The following ADGRL3 variants were observed in gnomAD, a reference collection of about 807,000 sequenced individuals.
The protein encoded by ADGRL3 is calcium-independent alpha-latrotoxin receptor 3.
Under a neutral mutation model 153.5 loss-of-function variants are expected in ADGRL3, and 62 were observed. The ratio of observed to expected loss-of-function variants is 0.40; its 90% CI spans 0.33 to 0.50. The LOEUF (loss-of-function observed/expected upper bound fraction) is 0.50, where lower values mean the gene tolerates loss of function less well. Ranked by LOEUF, ADGRL3 falls within the 20% of genes least tolerant of loss-of-function variation. ADGRL3 has a pLI of 0.47. For synonymous variants in ADGRL3, 710 were observed against 672.5 expected, an observed-to-expected ratio of 1.06 and a Z score of -0.86; for missense variants, 1,641 against 1,859.4, an observed-to-expected ratio of 0.88 and a Z score of 2.16.
chr4:61,652,415 A>T (rs2094293471), intron 5 of ADGRL3, among the ~76,000 whole-genome samples: 1 of 152,218 alleles, frequency 6.6e-6, no homozygotes, highest in Admixed American at 6.5e-5. Flanking sequence ...AGCGGAGGTC[A>T]GCAAGCAATG....
intron 8 of ADGRL3, among the ~76,000 whole-genome samples, chr4:61,813,590 A>G (rs1302140039): frequency 1.3e-5 from 2 of 152,160 alleles, no homozygotes; most frequent in Admixed American, 6.5e-5. Context: ...CACAACAACA[A>G]AAAAAGAAGA....
At chr4:61,602,588 C>A (rs1027897375) in intron 5 of ADGRL3, among the ~76,000 whole-genome samples, 3 of 151,990 alleles carry the variant, frequency 2.0e-5, no homozygotes, top group African/African-American at 7.2e-5. Flanking sequence ...CAATCGGTGC[C>A]CACCCTTTGA....
Position 61,676,853 on chromosome 4 carries a change from G to A in ADGRL3, c.501G>A (p.Val167=), listed in dbSNP as rs774500508. Residue 167 remains valine (V), a synonymous_variant, in exon 6 of 27, where the codon GTG becomes GTA. Transcript: ENST00000683033. ...QRCNNRTQCA[V]VAGPDVFPDP... The stretch of plus-strand genomic sequence containing the variant: ...GCAATAACAGAACCCAGTGTGCAGT[G>A]GTGGCAGGTCCTGATGTTTTTCCAG... 3 of 1,611,892 alleles carry A rather than the reference G, an allele frequency of 1.9e-6. No individual in the cohort carries two copies. In the African/African-American group the frequency reaches 4.0e-5, roughly 22 times the overall value.
At chr4:61,948,664 A>G (rs1019482668) in intron 17 of ADGRL3, among the ~76,000 whole-genome samples, 6 of 152,156 alleles carry the variant, frequency 3.9e-5, no homozygotes, top group African/African-American at 1.4e-4. Flanking sequence ...GGTTAAATAC[A>G]GTCAAACTGA....
At chr4:61,751,287 A>G (rs969377378) in intron 8 of ADGRL3, among the ~76,000 whole-genome samples, 3 of 152,204 alleles carry the variant, frequency 2.0e-5, no homozygotes, top group South Asian at 2.1e-4. Context: ...TGACTTTTCA[A>G]TAAATAAAAT....
chr4:61,650,841 T>C (rs2094218765), intron 5 of ADGRL3, among the ~76,000 whole-genome samples: 1 of 152,216 alleles, frequency 6.6e-6, no homozygotes, highest in Non-Finnish European at 1.5e-5. Flanking sequence ...ATAATGAAAG[T>C]GAATATGGTT....
chr4:61,743,602 G>A (rs1439386613), intron 8 of ADGRL3, among the ~76,000 whole-genome samples: 2 of 152,130 alleles, frequency 1.3e-5, no homozygotes, highest in Admixed American at 6.5e-5. Context: ...TTGGCTGTTA[G>A]CATTCATATT....
chr4:61,262,593 CTTA>C (rs574658593), intron 1 of ADGRL3, among the ~76,000 whole-genome samples: 1 of 152,062 alleles, frequency 6.6e-6, no homozygotes, highest in Non-Finnish European at 1.5e-5. Context: ...TCTCTGGTCT[CTTA>C]TTATCATTTT....
intron 18 of ADGRL3, among the ~76,000 whole-genome samples, chr4:61,982,528 A>T (rs76136516): frequency 4.6e-5 from 7 of 152,050 alleles, no homozygotes; most frequent in South Asian, 2.1e-4. Context: ...GACCTTTTCT[A>T]GTAGCAGTTA....
intron 4 of ADGRL3, among the ~76,000 whole-genome samples, chr4:61,540,382 C>G (rs769688125): frequency 6.6e-6 from 1 of 151,998 alleles, no homozygotes; most frequent in Non-Finnish European, 1.5e-5. Context: ...AACTCCGTCT[C>G]TACTAAAAAT....
At chr4:61,583,809 C>A (rs2149315553) in intron 4 of ADGRL3, 2 of 507,394 alleles carry the variant, frequency 3.9e-6, no homozygotes, top group East Asian at 5.5e-5. Flanking sequence ...ACACTGTGTT[C>A]TTTGATATAA....
At chr4:61,314,961 A>G (rs965393440) in intron 1 of ADGRL3, among the ~76,000 whole-genome samples, 10 of 152,222 alleles carry the variant, frequency 6.6e-5, no homozygotes, top group African/African-American at 2.4e-4. Flanking sequence ...AATTCATTCA[A>G]TGGATACTTA....
chr4:61,995,407 T>A (rs1044057267), intron 19 of ADGRL3, among the ~76,000 whole-genome samples: 3 of 152,174 alleles, frequency 2.0e-5, no homozygotes, highest in Non-Finnish European at 4.4e-5. Context: ...CACAGAAATA[T>A]TTGAGTACTT....
intron 2 of ADGRL3, among the ~76,000 whole-genome samples, chr4:61,479,836 T>C (rs930798714): frequency 1.3e-5 from 2 of 152,166 alleles, no homozygotes; most frequent in African/African-American, 4.8e-5. Context: ...TCTGTAAGAA[T>C]ACAAAATTAT....
intron 5 of ADGRL3, among the ~76,000 whole-genome samples, chr4:61,634,334 A>G (rs2093322526): frequency 6.6e-6 from 1 of 152,116 alleles, no homozygotes; most frequent in South Asian, 2.1e-4. Flanking sequence ...GCTCCATACA[A>G]AGTCAGAGTA....
intron 1 of ADGRL3, among the ~76,000 whole-genome samples, chr4:61,347,951 T>C (rs2095957847): frequency 6.6e-6 from 1 of 152,104 alleles, no homozygotes; most frequent in Non-Finnish European, 1.5e-5. Context: ...ACAGACTCTC[T>C]TAGTGAATGA....
intron 5 of ADGRL3, among the ~76,000 whole-genome samples, chr4:61,676,019 G>T (rs888295783): frequency 6.6e-6 from 1 of 151,542 alleles, no homozygotes; most frequent in Non-Finnish European, 1.5e-5. Flanking sequence ...GGGTTTAATG[G>T]CTCCCATAAA....
At chr4:61,542,485 A>G (rs940734903) in intron 4 of ADGRL3, among the ~76,000 whole-genome samples, 1 of 152,180 alleles carries the variant, frequency 6.6e-6, no homozygotes, top group Non-Finnish European at 1.5e-5. Context: ...CTACATATCA[A>G]CCTGATAAAG....
chr4:61,666,841 T>C (rs1375209223), intron 5 of ADGRL3, among the ~76,000 whole-genome samples: 1 of 152,156 alleles, frequency 6.6e-6, no homozygotes, highest in Non-Finnish European at 1.5e-5. Flanking sequence ...AATAAAATGC[T>C]GCTACAAGTA....
Sources: gnomAD v4.1 joint callset for allele counts (sites outside exome capture counted in the v4.1 genomes callset) on GRCh38, gnomAD v4.1.1 for gene constraint, MANE v1.5 for transcripts, NCBI Gene and HGNC (gene_info 2026-07-23, HGNC 2026-07-21) for gene names.